MACC1: variants seen among roughly 807,000 people sequenced by gnomAD.
MACC1 encodes metastasis-associated in colon cancer protein 1.
A neutral mutation model predicts 70.7 loss-of-function variants in MACC1; 79 were observed. The ratio of observed to expected loss-of-function variants is 1.12; its 90% CI spans 0.93 to 1.35. The LOEUF is 1.35. Ranked by LOEUF, MACC1 falls within the 40% of genes most tolerant of loss-of-function variation. The probability of loss-of-function intolerance (pLI) is 0.00; values close to 1 mark genes in which losing one functional copy is unlikely to be tolerated. For synonymous variants in MACC1, 361 were observed against 347.2 expected (o/e 1.04, Z -0.44); for missense variants, 1,106 against 978.1 (o/e 1.13, Z -1.74).
chr7:20,152,294 C>G (rs1300256254), intron 6 of MACC1, among the ~76,000 whole-genome samples: 1 of 152,050 alleles, frequency 6.6e-6, no homozygotes, highest in Non-Finnish European at 1.5e-5. Context: ...TCTCCCTGCC[C>G]CAGTGCACTT....
At chr7:20,143,727 G>C (rs567845310) in intron 6 of MACC1, among the ~76,000 whole-genome samples, 1 of 152,040 alleles carries the variant, frequency 6.6e-6, no homozygotes, top group Non-Finnish European at 1.5e-5. Context: ...GAGTAGTGTC[G>C]ATAGCTCTTG....
In MACC1 at chr7:20,140,914, T is replaced by C. The variant is rs751318880; in HGVS notation, c.*32A>G. ...ACACACACACACACCATTACCTCAT[T>C]TTCCCTCCCATCAAAAACACACGCT... On this transcript the variant is annotated 3_prime_UTR_variant, in exon 7 of 7. Coordinates refer to ENST00000400331, the MANE Select transcript of MACC1 (RefSeq NM_182762.4). 6.5e-7 allele frequency: 1 copy of C among 1,540,080 alleles called. No homozygotes were observed. Among genetic ancestry groups the C allele is most frequent in the South Asian group, 1.2e-5 (1 of 85,226 alleles).
At chr7:20,169,621 C>G (rs1259255643) in intron 2 of MACC1, among the ~76,000 whole-genome samples, 1 of 152,174 alleles carries the variant, frequency 6.6e-6, no homozygotes, top group East Asian at 1.9e-4. Context: ...TCAGCAATGT[C>G]TTTCCTTTCT....
intron 1 of MACC1, among the ~76,000 whole-genome samples, chr7:20,180,295 T>C (rs113818261): frequency 3.3e-5 from 5 of 151,112 alleles, no homozygotes; most frequent in African/African-American, 1.2e-4. Context: ...ACACAAAAAT[T>C]AGCCGGGCGT....
intron 1 of MACC1, among the ~76,000 whole-genome samples, chr7:20,202,403 T>G (rs1330938082): frequency 1.3e-5 from 2 of 152,210 alleles, no homozygotes; most frequent in Non-Finnish European, 2.9e-5. Context: ...CCTCTTTGTA[T>G]TTGGACGTAG....
intron 4 of MACC1, 78 bp downstream of exon 4, chr7:20,161,670 G>A (rs914871165): frequency 1.6e-4 from 129 of 814,792 alleles, no homozygotes; most frequent in Middle Eastern, 4.8e-4. Context: ...CATTTTCAGA[G>A]GTAGACCTTC....
chr7:20,208,266 G>A (rs1441255641), intron 1 of MACC1, among the ~76,000 whole-genome samples: 1 of 152,248 alleles, frequency 6.6e-6, no homozygotes, highest in African/African-American at 2.4e-5. Flanking sequence ...AAATGTGAAA[G>A]TGACTTTGAA....
intron 1 of MACC1, among the ~76,000 whole-genome samples, chr7:20,176,517 T>A (rs1782395463): frequency 6.6e-6 from 1 of 152,174 alleles, no homozygotes; most frequent in Non-Finnish European, 1.5e-5. Context: ...ATTAGCCTTA[T>A]GCAATGTCTT....
chr7:20,159,916 C>G lies in MACC1; in HGVS notation c.445G>C (p.Asp149His), dbSNP rs368756732. ...ATACTCTGATGGGCATGTGCTGTGT[C>G]GTCTAAAATGTCCAGAAGTTCTGAA... The part of the protein sequence containing the change: ...SVSELLDILD[D>H]TAHAHQSIHN... The change falls in exon 5 of 7, where the codon GAC (aspartate) becomes CAC (histidine). Residue 149 changes from aspartate to histidine, a missense_variant. Asp to His is a moderately conservative substitution (Grantham distance 81). Transcript: ENST00000400331. The G allele has an allele frequency of 3.1e-6, 5 of 1,613,928 alleles. No individual in the cohort carries two copies. The highest frequency in any genetic ancestry group is 4.2e-6 in the Non-Finnish European group (5 of 1,180,010).
intron 1 of MACC1, among the ~76,000 whole-genome samples, chr7:20,177,720 G>GTTTTTTTTTT (rs1466131979): frequency 1.1e-5 from 1 of 88,220 alleles, no homozygotes. Context: ...AGCTGCCTTT[G>GTTTTTTTTTT]TTGTTTTTTT....
chr7:20,189,750 A>AACACAC (rs72116191), intron 1 of MACC1, among the ~76,000 whole-genome samples: 2 of 117,776 alleles, frequency 1.7e-5, no homozygotes, highest in African/African-American at 7.1e-5. Flanking sequence ...CAAACACATA[A>AACACAC]ACACACACAC....
intron 1 of MACC1, among the ~76,000 whole-genome samples, chr7:20,199,008 A>G (rs769893658): frequency 6.6e-6 from 1 of 152,238 alleles, no homozygotes; most frequent in Non-Finnish European, 1.5e-5. Flanking sequence ...ATGTAAATAT[A>G]ATATTTTATG....
intron 6 of MACC1, among the ~76,000 whole-genome samples, chr7:20,147,709 T>C (rs920137172): frequency 5.9e-5 from 9 of 152,140 alleles, no homozygotes; most frequent in African/African-American, 9.7e-5. Context: ...CAAGATTCCA[T>C]TGAAAAAGTC....
At chr7:20,172,950 G>A (rs1039424337) in intron 1 of MACC1, among the ~76,000 whole-genome samples, 4 of 152,090 alleles carry the variant, frequency 2.6e-5, no homozygotes, top group East Asian at 1.9e-4. Context: ...GCCAGGTTGG[G>A]GTCTTCCTGG....
At chr7:20,169,559 G>T (rs978324728) in intron 2 of MACC1, among the ~76,000 whole-genome samples, 13 of 152,182 alleles carry the variant, frequency 8.5e-5, no homozygotes, top group Non-Finnish European at 1.9e-4. Flanking sequence ...AAGCTCCACT[G>T]CTTCCTAGAA....
At position 20,159,951 on chromosome 7, in the gene MACC1, G is replaced by A. The variant is rs1445967555; in HGVS notation, c.410C>T (p.Ser137Phe). The stretch of plus-strand genomic sequence containing the variant: ...GTCCAGAAGTTCTGAAACACTTTTA[G>A]ATCTTCCAGAATTTCTTGAGGAAGT... ...RQTSSRNSGRSKSVSELLDIL... is the reference protein window; with the variant it reads ...RQTSSRNSGRFKSVSELLDIL... The change falls in exon 5 of 7, where the codon TCT becomes TTT. Residue 137 changes from serine to phenylalanine, a missense_variant. Transcript: ENST00000400331. 6.2e-7 allele frequency: 1 copy of A among 1,614,088 alleles called. No individual in the cohort carries two copies. Among genetic ancestry groups the A allele is most frequent in the Non-Finnish European group, 8.5e-7 (1 of 1,179,990 alleles).
chr7:20,190,692 G>A (rs1009156766), intron 1 of MACC1, among the ~76,000 whole-genome samples: 1 of 152,128 alleles, frequency 6.6e-6, no homozygotes, highest in Non-Finnish European at 1.5e-5. Context: ...AAATGGAAAG[G>A]TTTTCATCAC....
At position 20,136,432 on chromosome 7, in the gene MACC1, T is replaced by G. The variant is rs1781718464; in HGVS notation, c.*4514A>C. On this transcript the variant is annotated 3_prime_UTR_variant, in exon 7 of 7. Transcript: ENST00000400331. ...CAAAACTATTTATTAGGGTTAAAAC[T>G]TTCTAGATGTACATAAATAGAAAAT... 1 of 152,200 alleles carries G rather than the reference T, an allele frequency of 6.6e-6. No individual in the cohort carries two copies. Among genetic ancestry groups the G allele is most frequent in the African/African-American group, 2.4e-5 (1 of 41,442 alleles). 9.4% of individuals were successfully genotyped at this position (152,200 alleles called of 1,614,324 possible).
Position 20,160,258 on chromosome 7 carries a change from G to C in MACC1, c.116-13C>G. 2 of 1,527,438 alleles carry C rather than the reference G, an allele frequency of 1.3e-6. No homozygotes were observed. Among genetic ancestry groups the C allele is most frequent in the Non-Finnish European group, 1.7e-6 (2 of 1,145,092 alleles). The allele number at this position is 1,527,438 out of a possible 1,614,324, so 94.6% of individuals were successfully genotyped here. A position where few individuals can be genotyped will look rare whatever the true frequency, so the allele number is the denominator to read the frequency against. On this transcript the variant is annotated splice_polypyrimidine_tract_variant and intron_variant, in intron 4 of 6. Coordinates refer to ENST00000400331, the MANE Select transcript of MACC1 (RefSeq NM_182762.4). ...GGGTCCTGGCATTCTTGTTATTTAA[G>C]GAAAGACAAAGCAAAACAAAGATAA... is the stretch of plus-strand genomic sequence containing the variant.
Sources: allele counts gnomAD v4.1 joint callset (sites outside exome capture counted in the v4.1 genomes callset), GRCh38; gene constraint gnomAD v4.1.1; transcripts MANE v1.5; gene names NCBI Gene and HGNC (gene_info 2026-07-23, HGNC 2026-07-21).